CTNNA3: variants seen among roughly 807,000 people sequenced by gnomAD.
CTNNA3 encodes the protein catenin alpha-3.
In CTNNA3, 76 loss-of-function variants were observed where a neutral mutation model predicts 95.7. The ratio of observed to expected loss-of-function variants is 0.79; its 90% CI spans 0.66 to 0.96. CTNNA3 has a LOEUF of 0.96. Among genes scored for constraint, CTNNA3 ranks in the 40% least tolerant of loss-of-function variants. The pLI is 0.00. For synonymous variants in CTNNA3, 431 were observed against 374.4 expected (o/e 1.15, Z -1.74); for missense variants, 1,191 against 1,089.8 (o/e 1.09, Z -1.31).
At chr10:67,279,430 C>T (rs536126917) in intron 5 of CTNNA3, among the ~76,000 whole-genome samples, 80 of 151,944 alleles carry the variant, frequency 5.3e-4, no homozygotes, top group African/African-American at 1.4e-3. Flanking sequence ...TGTCTTTCTC[C>T]GAAGATGAAC....
intron 6 of CTNNA3, among the ~76,000 whole-genome samples, chr10:67,213,387 T>C (rs1481816530): frequency 6.6e-6 from 1 of 151,778 alleles, no homozygotes; most frequent in Admixed American, 6.6e-5. Flanking sequence ...TATTGGTCTT[T>C]ACAAATAATA....
intron 1 of CTNNA3, among the ~76,000 whole-genome samples, chr10:67,666,893 G>A (rs899960081): frequency 5.1e-4 from 77 of 152,132 alleles, no homozygotes; most frequent in African/African-American, 1.8e-3. Context: ...CCAAGAAGTG[G>A]CAGAATTACC....
chr10:66,911,142 A>C (rs1161561555), intron 7 of CTNNA3, among the ~76,000 whole-genome samples: 43 of 152,230 alleles, frequency 2.8e-4, no homozygotes. Context: ...TTCAGAGCCA[A>C]TTATGCACGT....
chr10:67,116,661 C>G (rs1859203914), intron 7 of CTNNA3, among the ~76,000 whole-genome samples: 1 of 150,358 alleles, frequency 6.7e-6, no homozygotes, highest in Non-Finnish European at 1.5e-5. Flanking sequence ...TTATTTAGAA[C>G]AGCCAGTTGA....
At chr10:67,650,858 T>C (rs940267102) in intron 1 of CTNNA3, among the ~76,000 whole-genome samples, 2 of 152,146 alleles carry the variant, frequency 1.3e-5, no homozygotes, top group Non-Finnish European at 2.9e-5. Context: ...AAACTATTCA[T>C]TTCCAAAATT....
chr10:67,732,912 A>T (rs4350261), intron 1 of CTNNA3, among the ~76,000 whole-genome samples: 45,745 of 151,092 alleles, frequency 0.3, 7,896 homozygotes, highest in East Asian at 0.51. Flanking sequence ...ACACACACAC[A>T]TTCTCTCTCT....
intron 7 of CTNNA3, among the ~76,000 whole-genome samples, chr10:67,000,747 C>T (rs1851634446): frequency 6.6e-6 from 1 of 152,058 alleles, no homozygotes; most frequent in Non-Finnish European, 1.5e-5. Flanking sequence ...CTCCCTCACC[C>T]CACACCTGAC....
intron 13 of CTNNA3, among the ~76,000 whole-genome samples, chr10:66,196,938 G>C (rs1032478823): frequency 3.9e-5 from 6 of 152,160 alleles, no homozygotes; most frequent in Non-Finnish European, 5.9e-5. Flanking sequence ...ATCAGAGCAG[G>C]CTCATGAATT....
chr10:67,706,238 A>G (rs1221433329), intron 1 of CTNNA3, among the ~76,000 whole-genome samples: 1 of 151,752 alleles, frequency 6.6e-6, no homozygotes, highest in East Asian at 1.9e-4. Flanking sequence ...TCATCTCTCA[A>G]AACAGTTTCC....
chr10:67,293,791 T>C (rs1839929512), intron 5 of CTNNA3, among the ~76,000 whole-genome samples: 1 of 151,800 alleles, frequency 6.6e-6, no homozygotes, highest in Admixed American at 6.6e-5. Flanking sequence ...CTTGCGATAG[T>C]TTGCTGAGAA....
chr10:66,390,226 T>C (rs1466125593), intron 11 of CTNNA3, among the ~76,000 whole-genome samples: 2 of 152,138 alleles, frequency 1.3e-5, no homozygotes, highest in Non-Finnish European at 2.9e-5. Flanking sequence ...AAAGCTAGAT[T>C]GGTTCAGAGG....
chr10:65,968,381 A>G (rs1311653970), intron 16 of CTNNA3, among the ~76,000 whole-genome samples: 1 of 152,154 alleles, frequency 6.6e-6, no homozygotes, highest in South Asian at 2.1e-4. Context: ...GTGTCAAAAA[A>G]TAAATAAATA....
chr10:66,713,404 T>C lies in CTNNA3; in HGVS notation c.1281+52860A>G, dbSNP rs577382098. On this transcript the variant is annotated intron_variant, in intron 9 of 17. Transcript: ENST00000433211. ...GTATTTAGCAGATTGGTATTTTAAATGTTTTAGAGTGTGGTTCCTGGCAGG... is the reference window on the plus strand; with the variant it reads ...GTATTTAGCAGATTGGTATTTTAAACGTTTTAGAGTGTGGTTCCTGGCAGG... Among the ~76,000 whole-genome samples the C allele has an allele frequency of 5.3e-5, 8 of 152,226 alleles. No homozygotes were observed. In the East Asian group the frequency reaches 1.5e-3, roughly 29 times the overall value.
At chr10:67,539,794 G>A in intron 3 of CTNNA3, 125 bp from the exon 4 acceptor site, 1 of 801,962 alleles carries the variant, frequency 1.2e-6, no homozygotes, top group East Asian at 2.8e-5. Flanking sequence ...ATTGTCAGTT[G>A]ACAATTTTCT....
intron 14 of CTNNA3, among the ~76,000 whole-genome samples, chr10:66,080,455 G>A (rs905812859): frequency 8.6e-5 from 13 of 151,982 alleles, no homozygotes; most frequent in Non-Finnish European, 1.3e-4. Flanking sequence ...AATGTTTAGG[G>A]ACAACATGAG....
intron 9 of CTNNA3, among the ~76,000 whole-genome samples, chr10:66,697,936 C>T: frequency 6.6e-6 from 1 of 152,170 alleles, no homozygotes; most frequent in Non-Finnish European, 1.5e-5. Context: ...CTCCCTGAAC[C>T]ATTTATTCTT....
chr10:67,507,098 A>G (rs1038461700), intron 5 of CTNNA3, among the ~76,000 whole-genome samples: 1 of 152,240 alleles, frequency 6.6e-6, no homozygotes, highest in African/African-American at 2.4e-5. Context: ...CAAAGAATTA[A>G]AAAAGACTCC....
At chr10:66,495,093 C>T (rs1351890586) in intron 11 of CTNNA3, among the ~76,000 whole-genome samples, 5 of 152,134 alleles carry the variant, frequency 3.3e-5, no homozygotes, top group Non-Finnish European at 7.4e-5. Context: ...TGCCATTGCA[C>T]ACCCCATCAG....
chr10:67,177,304 C>G (rs2132128153), intron 7 of CTNNA3, among the ~76,000 whole-genome samples: 1 of 152,252 alleles, frequency 6.6e-6, no homozygotes, highest in South Asian at 2.1e-4. Flanking sequence ...TATTTAGACT[C>G]AGAGGAGTCA....
Sources: allele counts gnomAD v4.1 joint callset (sites outside exome capture counted in the v4.1 genomes callset), GRCh38; gene constraint gnomAD v4.1.1; transcripts MANE v1.5; gene names NCBI Gene and HGNC (gene_info 2026-07-23, HGNC 2026-07-21).